Variants in EYA1 observed in about 807,000 individuals in gnomAD.
EYA1 encodes the protein EYA transcriptional coactivator and phosphatase 1.
Under a neutral mutation model 82.0 loss-of-function variants are expected in EYA1, and 16 were observed. That is an observed-to-expected ratio of 0.20 (90% CI 0.13 to 0.30). The LOEUF (loss-of-function observed/expected upper bound fraction) is 0.30, where lower values mean the gene tolerates loss of function less well. Ranked by LOEUF, EYA1 falls within the 10% of genes least tolerant of loss-of-function variation. The pLI, the probability that EYA1 is intolerant of heterozygous loss-of-function variation, is 1.00. For synonymous variants in EYA1, 261 were observed against 264.4 expected, an observed-to-expected ratio of 0.99 and a Z score of 0.12; for missense variants, 633 against 730.7, an observed-to-expected ratio of 0.87 and a Z score of 1.54.
At chr8:71,212,912 A>G (rs766895849) in intron 16 of EYA1, among the ~76,000 whole-genome samples, 4 of 152,162 alleles carry the variant, frequency 2.6e-5, no homozygotes, top group Non-Finnish European at 4.4e-5. Flanking sequence ...CCCCGTCTCT[A>G]CTAAAAATAC....
At chr8:71,227,988 A>G (rs965785761) in intron 12 of EYA1, among the ~76,000 whole-genome samples, 65 of 152,238 alleles carry the variant, frequency 4.3e-4, no homozygotes, top group African/African-American at 1.5e-3. Context: ...CTCAGAATAA[A>G]TCAGGCCCAA....
At chr8:71,349,556 T>G (rs1184869795) in intron 3 of EYA1, among the ~76,000 whole-genome samples, 1 of 152,218 alleles carries the variant, frequency 6.6e-6, no homozygotes, top group East Asian at 1.9e-4. Flanking sequence ...TGGATTTTTT[T>G]TGTGCATAAA....
intron 9 of EYA1, among the ~76,000 whole-genome samples, chr8:71,280,573 C>T (rs939083470): frequency 1.3e-5 from 2 of 152,190 alleles, no homozygotes; most frequent in Non-Finnish European, 2.9e-5. Context: ...TCCTTTTATT[C>T]TTAAAATGTC....
intron 2 of EYA1, among the ~76,000 whole-genome samples, chr8:71,512,512 C>T (rs890953685): frequency 6.6e-6 from 1 of 151,578 alleles, no homozygotes; most frequent in African/African-American, 2.4e-5. Context: ...AAAATAAAAG[C>T]TACAATGGAA....
chr8:71,227,136 T>C (rs1810658574), intron 12 of EYA1, among the ~76,000 whole-genome samples: 1 of 152,126 alleles, frequency 6.6e-6, no homozygotes, highest in African/African-American at 2.4e-5. Flanking sequence ...TAATTATCAT[T>C]CAGAACATTA....
chr8:71,431,994 G>A (rs983484096), intron 2 of EYA1, among the ~76,000 whole-genome samples: 2 of 152,054 alleles, frequency 1.3e-5, no homozygotes, highest in Admixed American at 6.6e-5. Context: ...TATATTGCAT[G>A]GAATACAATT....
intron 2 of EYA1, among the ~76,000 whole-genome samples, chr8:71,525,231 G>A (rs1813720067): frequency 6.6e-6 from 1 of 152,174 alleles, no homozygotes; most frequent in Non-Finnish European, 1.5e-5. Flanking sequence ...GGTATGCACT[G>A]AATTAACGTG....
At chr8:71,371,688 CA>C (rs1828089818) in intron 2 of EYA1, among the ~76,000 whole-genome samples, 1 of 152,060 alleles carries the variant, frequency 6.6e-6, no homozygotes, top group Admixed American at 6.5e-5. Context: ...AGAGATCAAA[CA>C]AAAGCAAATG....
rs1806502131 is a variant in EYA1, at chr8:71,198,349, C to T, written c.*991G>A. The T allele has an allele frequency of 6.6e-6, 1 of 152,464 alleles. No homozygotes were observed. Among genetic ancestry groups the T allele is most frequent in the African/African-American group, 2.4e-5 (1 of 41,392 alleles). The allele number at this position is 152,464 out of a possible 1,614,324, so 9.4% of individuals were successfully genotyped here. On this transcript the variant is annotated 3_prime_UTR_variant, in exon 18 of 18. Transcript: ENST00000340726. ...ACTGCTGTGTTATTTCATCAAGGCCCTCAGAAGAACTGATGCAGGAAAAAA... is the reference window on the plus strand; with the variant it reads ...ACTGCTGTGTTATTTCATCAAGGCCTTCAGAAGAACTGATGCAGGAAAAAA...
At chr8:71,248,112 G>C (rs1813323999) in intron 11 of EYA1, among the ~76,000 whole-genome samples, 1 of 152,036 alleles carries the variant, frequency 6.6e-6, no homozygotes, top group East Asian at 1.9e-4. Flanking sequence ...AATTTTAAAG[G>C]CTTGTTCAGT....
chr8:71,430,191 C>T (rs1285148940), intron 2 of EYA1, among the ~76,000 whole-genome samples: 1 of 152,198 alleles, frequency 6.6e-6, no homozygotes, highest in African/African-American at 2.4e-5. Context: ...TTATTAAAGA[C>T]TTATGTGCCA....
At chr8:71,460,484 A>T (rs2129188810) in intron 2 of EYA1, among the ~76,000 whole-genome samples, 2 of 152,346 alleles carry the variant, frequency 1.3e-5, no homozygotes, top group South Asian at 4.1e-4. Flanking sequence ...AGTAACAAAA[A>T]GTTAGAGCCC....
chr8:71,301,782 T>C (rs1233279636), intron 7 of EYA1, among the ~76,000 whole-genome samples: 3 of 152,178 alleles, frequency 2.0e-5, no homozygotes, highest in Admixed American at 2.0e-4. Flanking sequence ...TAATGTTCAT[T>C]TGCATGTGGT....
At chr8:71,506,606 A>C (rs771556222) in intron 2 of EYA1, among the ~76,000 whole-genome samples, 1 of 152,190 alleles carries the variant, frequency 6.6e-6, no homozygotes, top group African/African-American at 2.4e-5. Flanking sequence ...TGTTGTTTCA[A>C]AACTAATCCT....
intron 2 of EYA1, among the ~76,000 whole-genome samples, chr8:71,516,187 C>T (rs1222856953): frequency 6.6e-6 from 1 of 152,130 alleles, no homozygotes; most frequent in African/African-American, 2.4e-5. Context: ...TTTATTCTTT[C>T]ATTCATTTAT....
intron 17 of EYA1, among the ~76,000 whole-genome samples, chr8:71,209,603 G>A (rs7843072): frequency 0.013 from 1,977 of 152,300 alleles, 32 homozygotes; most frequent in African/African-American, 0.042. Context: ...GAGCCTGTAG[G>A]AAGGCTGGCC....
chr8:71,221,607 T>A (rs1043853046), intron 12 of EYA1, among the ~76,000 whole-genome samples: 1 of 152,202 alleles, frequency 6.6e-6, no homozygotes, highest in African/African-American at 2.4e-5. Flanking sequence ...ATACAGGTAG[T>A]TAGCCATGAG....
intron 2 of EYA1, among the ~76,000 whole-genome samples, chr8:71,520,213 G>GC (rs1013553529): frequency 6.4e-4 from 95 of 147,646 alleles, no homozygotes; most frequent in Non-Finnish European, 1.0e-3. Context: ...CCCCTCATTG[G>GC]CCCCCCCCTC....
At chr8:71,211,302 C>T (rs774322575) in intron 16 of EYA1, 46 bp from the exon 17 acceptor site, 1 of 1,286,040 alleles carries the variant, frequency 7.8e-7, no homozygotes, top group Non-Finnish European at 1.1e-6. Context: ...TTTGGGTAAC[C>T]TAATGTGACA....
Sources: allele counts gnomAD v4.1 joint callset (sites outside exome capture counted in the v4.1 genomes callset), GRCh38; gene constraint gnomAD v4.1.1; transcripts MANE v1.5; gene names NCBI Gene and HGNC (gene_info 2026-07-23, HGNC 2026-07-21).